NPAS2: variants seen among roughly 807,000 people sequenced by gnomAD.
NPAS2 encodes the protein neuronal PAS domain-containing protein 2.
Under a neutral mutation model 107.5 loss-of-function variants are expected in NPAS2, and 23 were observed. The observed-to-expected ratio is 0.21, with a 90% CI of 0.15 to 0.30. NPAS2 has a LOEUF of 0.30. NPAS2 is among the 10% of genes least tolerant of loss of function. The pLI is 1.00. For synonymous variants in NPAS2, 403 were observed against 417.5 expected, an observed-to-expected ratio of 0.97 and a Z score of 0.42; for missense variants, 756 against 1,043.3, an observed-to-expected ratio of 0.72 and a Z score of 3.79.
chr2:100,840,278 G>A (rs1022089883), intron 1 of NPAS2, among the ~76,000 whole-genome samples: 1 of 152,130 alleles, frequency 6.6e-6, no homozygotes, highest in Non-Finnish European at 1.5e-5. Flanking sequence ...CAGTTCCAAG[G>A]TTACCGGTGT....
chr2:100,944,482 G>A (rs950436739), intron 5 of NPAS2, among the ~76,000 whole-genome samples: 1 of 152,134 alleles, frequency 6.6e-6, no homozygotes, highest in African/African-American at 2.4e-5. Flanking sequence ...GGACTCGGCT[G>A]TAAAGACGGC....
intron 2 of NPAS2, among the ~76,000 whole-genome samples, chr2:100,917,194 AAAAC>A (rs1227281196): frequency 6.6e-6 from 1 of 152,218 alleles, no homozygotes; most frequent in Non-Finnish European, 1.5e-5. Context: ...TAGAAACAGA[AAAAC>A]AATATAGAAA....
At chr2:100,950,049 A>G (rs1675132029) in intron 7 of NPAS2, among the ~76,000 whole-genome samples, 1 of 152,264 alleles carries the variant, frequency 6.6e-6, no homozygotes, top group Non-Finnish European at 1.5e-5. Flanking sequence ...CTGATTAACC[A>G]AACTCTGGCT....
intron 7 of NPAS2, among the ~76,000 whole-genome samples, chr2:100,953,236 G>A (rs914766565): frequency 6.6e-6 from 1 of 151,888 alleles, no homozygotes; most frequent in Admixed American, 6.6e-5. Context: ...TTAGCCGAGT[G>A]TGGTGGCATT....
At chr2:100,900,548 A>G (rs1681707404) in intron 1 of NPAS2, among the ~76,000 whole-genome samples, 1 of 152,208 alleles carries the variant, frequency 6.6e-6, no homozygotes, top group Non-Finnish European at 1.5e-5. Flanking sequence ...CCGTGTTCCA[A>G]GAATGACACT....
At chr2:100,974,153 CCT>C (rs1418974145) in intron 12 of NPAS2, among the ~76,000 whole-genome samples, 4 of 152,172 alleles carry the variant, frequency 2.6e-5, no homozygotes, top group African/African-American at 4.8e-5. Flanking sequence ...CAACCCAGCC[CCT>C]GTTTTCATGT....
chr2:100,879,923 A>G (rs988514571), intron 1 of NPAS2, among the ~76,000 whole-genome samples: 11 of 152,182 alleles, frequency 7.2e-5, no homozygotes, highest in African/African-American at 1.7e-4. Flanking sequence ...CCCTCCACAC[A>G]GGGACACCGG....
At chr2:100,878,662 G>C in intron 1 of NPAS2, 2 of 978,748 alleles carry the variant, frequency 2.0e-6, no homozygotes, top group Non-Finnish European at 2.4e-6. Flanking sequence ...TTCAAAAAAA[G>C]TTTTCTAATT....
intron 1 of NPAS2, among the ~76,000 whole-genome samples, chr2:100,855,472 A>G (rs983635351): frequency 3.9e-5 from 6 of 152,294 alleles, no homozygotes; most frequent in African/African-American, 1.4e-4. Context: ...GAAGGTTTGC[A>G]TGTCTCCATG....
chr2:100,888,175 G>C (rs998308663), intron 1 of NPAS2, among the ~76,000 whole-genome samples: 23 of 152,170 alleles, frequency 1.5e-4, no homozygotes, highest in African/African-American at 5.3e-4. Context: ...CCAATGCCAG[G>C]CTTCTTTCCA....
chr2:100,857,218 A>G (rs973934981), intron 1 of NPAS2, among the ~76,000 whole-genome samples: 1 of 151,756 alleles, frequency 6.6e-6, no homozygotes, highest in Non-Finnish European at 1.5e-5. Context: ...GAATCACTTG[A>G]ATCCAGGAGG....
intron 1 of NPAS2, among the ~76,000 whole-genome samples, chr2:100,856,215 C>G (rs1678545197): frequency 1.3e-5 from 2 of 152,250 alleles, no homozygotes. Flanking sequence ...CAGTAAAAGT[C>G]AGACAAGACC....
Position 100,996,008 on chromosome 2 carries a change from A to T in NPAS2, c.*426A>T. The stretch of plus-strand genomic sequence containing the variant: ...GTATTGGAGAAGGACTGGGTCAGAG[A>T]TCTGTTGGAGAGAGAGAATAAAGAG... On this transcript the variant is annotated 3_prime_UTR_variant, in exon 21 of 21. Transcript: ENST00000335681. 1 of 1,203,776 alleles carries T rather than the reference A, an allele frequency of 8.3e-7. No individual in the cohort carries two copies. The highest frequency in any genetic ancestry group is 1.1e-6 in the Non-Finnish European group (1 of 938,162). 74.6% of individuals were successfully genotyped at this position (1,203,776 alleles called of 1,614,324 possible).
At chr2:100,991,388 T>A (rs181253138) in intron 19 of NPAS2, among the ~76,000 whole-genome samples, 42 of 152,366 alleles carry the variant, frequency 2.8e-4, no homozygotes, top group Non-Finnish European at 1.0e-4. Flanking sequence ...CAACGGTTAC[T>A]GGAGACACGG....
At chr2:100,974,012 T>G (rs1190141458) in intron 12 of NPAS2, among the ~76,000 whole-genome samples, 3 of 151,974 alleles carry the variant, frequency 2.0e-5, no homozygotes, top group Non-Finnish European at 4.4e-5. Context: ...CAGCTAATTT[T>G]TGTATTTTTA....
At chr2:100,893,238 C>T (rs552116173) in intron 1 of NPAS2, among the ~76,000 whole-genome samples, 5 of 152,278 alleles carry the variant, frequency 3.3e-5, no homozygotes, top group South Asian at 4.2e-4. Context: ...GAGATACAGA[C>T]GTTAATCCAA....
At chr2:100,892,878 C>T (rs1204693781) in intron 1 of NPAS2, among the ~76,000 whole-genome samples, 2 of 152,070 alleles carry the variant, frequency 1.3e-5, no homozygotes, top group Middle Eastern at 3.4e-3. Context: ...CCAACACACC[C>T]GGCTAATTTT....
At chr2:100,907,930 T>C (rs1682276088) in intron 2 of NPAS2, among the ~76,000 whole-genome samples, 1 of 152,168 alleles carries the variant, frequency 6.6e-6, no homozygotes. Flanking sequence ...TTGAGAGATA[T>C]TTGTAATCCC....
intron 11 of NPAS2, chr2:100,970,774 T>G (rs1035907444): frequency 4.7e-6 from 2 of 424,328 alleles, no homozygotes; most frequent in African/African-American, 4.1e-5. Context: ...ATAAAAAGAT[T>G]TTGAATGTAA....
Sources: gnomAD v4.1 joint callset for allele counts (sites outside exome capture counted in the v4.1 genomes callset) on GRCh38, gnomAD v4.1.1 for gene constraint, MANE v1.5 for transcripts, NCBI Gene and HGNC (gene_info 2026-07-23, HGNC 2026-07-21) for gene names.